Variants in MRPS28 observed in about 807,000 individuals in gnomAD.
MRPS28 encodes mitochondrial ribosomal protein S28, also known as small ribosomal subunit protein bS1m.
A neutral mutation model predicts 10.8 loss-of-function variants in MRPS28; 7 were observed. That is an observed-to-expected ratio of 0.65 (90% CI 0.37 to 1.22). MRPS28 has a LOEUF of 1.22. Ranked by LOEUF, MRPS28 falls within the 50% of genes most tolerant of loss-of-function variation. The pLI, the probability that MRPS28 is intolerant of heterozygous loss-of-function variation, is 0.02. For synonymous variants in MRPS28, 121 were observed against 93.3 expected (o/e 1.30, Z -1.71); for missense variants, 265 against 232.9 (o/e 1.14, Z -0.90).
intron 2 of MRPS28, among the ~76,000 whole-genome samples, chr8:79,965,865 T>C (rs1020418012): frequency 7.9e-5 from 12 of 152,048 alleles, no homozygotes; most frequent in African/African-American, 2.9e-4. Flanking sequence ...TAAATATCAA[T>C]ACCAAGCAAG....
At chr8:79,932,895 A>G (rs567692345) in intron 2 of MRPS28, among the ~76,000 whole-genome samples, 1 of 152,294 alleles carries the variant, frequency 6.6e-6, no homozygotes, top group African/African-American at 2.4e-5. Flanking sequence ...TTGGTTTAAC[A>G]AACAGTTCAT....
chr8:79,999,995 T>C (rs934872280), intron 2 of MRPS28, among the ~76,000 whole-genome samples: 2 of 152,216 alleles, frequency 1.3e-5, no homozygotes, highest in Admixed American at 6.5e-5. Context: ...TTTTTACTTA[T>C]GTAATTACCA....
chr8:79,969,940 CT>C (rs1807587978), intron 2 of MRPS28, among the ~76,000 whole-genome samples: 1 of 152,128 alleles, frequency 6.6e-6, no homozygotes, highest in African/African-American at 2.4e-5. Flanking sequence ...CACATTTCTC[CT>C]TGGACGCATT....
At chr8:79,937,982 A>AT (rs1806646233) in intron 2 of MRPS28, among the ~76,000 whole-genome samples, 1 of 152,142 alleles carries the variant, frequency 6.6e-6, no homozygotes, top group Admixed American at 6.5e-5. Context: ...TTAAAGAAGT[A>AT]TTTTCCTAGA....
At chr8:79,966,128 A>G (rs1319247111) in intron 2 of MRPS28, among the ~76,000 whole-genome samples, 2 of 152,080 alleles carry the variant, frequency 1.3e-5, no homozygotes, top group East Asian at 3.8e-4. Flanking sequence ...TAATTCTATT[A>G]TTGAGTCAGC....
intron 2 of MRPS28, among the ~76,000 whole-genome samples, chr8:79,944,369 T>C (rs912835151): frequency 6.6e-6 from 1 of 152,182 alleles, no homozygotes; most frequent in Non-Finnish European, 1.5e-5. Flanking sequence ...TCAGAGCCTC[T>C]CTTAGGACTA....
chr8:80,007,201 G>C (rs974965052), intron 1 of MRPS28, among the ~76,000 whole-genome samples: 12 of 152,190 alleles, frequency 7.9e-5, no homozygotes, highest in Non-Finnish European at 1.2e-4. Flanking sequence ...TGCAGAAAAG[G>C]CCTTTGACAA....
At chr8:79,987,820 C>T (rs1027583881) in intron 2 of MRPS28, among the ~76,000 whole-genome samples, 12 of 152,198 alleles carry the variant, frequency 7.9e-5, no homozygotes, top group East Asian at 3.8e-4. Flanking sequence ...CACTTTTACA[C>T]GGTTGGTGGG....
intron 2 of MRPS28, among the ~76,000 whole-genome samples, chr8:79,937,378 C>A (rs918454938): frequency 9.9e-5 from 15 of 151,996 alleles, no homozygotes; most frequent in East Asian, 1.9e-4. Flanking sequence ...GTGGTCAGTA[C>A]AATAATTTGA....
intron 2 of MRPS28, among the ~76,000 whole-genome samples, chr8:79,966,264 G>C (rs1452737479): frequency 6.6e-6 from 1 of 151,924 alleles, no homozygotes; most frequent in African/African-American, 2.4e-5. Context: ...GATATATAAA[G>C]GGTCAATATA....
chr8:79,977,228 TC>T (rs1807826029), intron 2 of MRPS28, among the ~76,000 whole-genome samples: 1 of 152,200 alleles, frequency 6.6e-6, no homozygotes, highest in Non-Finnish European at 1.5e-5. Flanking sequence ...GTGGTGGAGC[TC>T]ATTAAATACT....
chr8:79,967,853 C>G (rs993759694), intron 2 of MRPS28, among the ~76,000 whole-genome samples: 1 of 152,012 alleles, frequency 6.6e-6, no homozygotes, highest in African/African-American at 2.4e-5. Flanking sequence ...AAGTATACAA[C>G]TGATACATGC....
Position 79,982,005 on chromosome 8 carries a change from G to C in MRPS28, c.395+20994C>G, listed in dbSNP as rs182942086. On this transcript the variant is annotated intron_variant, in intron 2 of 2. Transcript: ENST00000276585. ...TCATGCCTGTAATCCCAGCACTTTG[G>C]GGGGGCCAAGGCAGGTGGATCACTT... Among the ~76,000 whole-genome samples the C allele has an allele frequency of 3.5e-4, 53 of 152,288 alleles. 1 individual carries two copies. Among genetic ancestry groups the C allele is most frequent in the East Asian group, 1.9e-3 (10 of 5,178 alleles).
At chr8:79,982,889 G>T (rs1384291453) in intron 2 of MRPS28, among the ~76,000 whole-genome samples, 1 of 151,008 alleles carries the variant, frequency 6.6e-6, no homozygotes, top group Non-Finnish European at 1.5e-5. Context: ...AAATGTCCCT[G>T]TCTGACAGCT....
intron 1 of MRPS28, among the ~76,000 whole-genome samples, chr8:80,026,808 C>T (rs1809503555): frequency 6.6e-6 from 1 of 152,052 alleles, no homozygotes; most frequent in African/African-American, 2.4e-5. Context: ...GGCTTTTTGC[C>T]ATGAAAAACT....
At chr8:79,982,646 G>A (rs745580708) in intron 2 of MRPS28, among the ~76,000 whole-genome samples, 5 of 152,268 alleles carry the variant, frequency 3.3e-5, no homozygotes, top group East Asian at 1.9e-4. Flanking sequence ...CTATACCCAC[G>A]GAGTCTCGCT....
chr8:79,998,616 C>T (rs1012257743), intron 2 of MRPS28, among the ~76,000 whole-genome samples: 4 of 152,104 alleles, frequency 2.6e-5, no homozygotes, highest in Non-Finnish European at 5.9e-5. Context: ...CAAAATTGTC[C>T]CAGAGCTATA....
chr8:79,929,435 C>A (rs73691109), intron 2 of MRPS28, among the ~76,000 whole-genome samples: 1 of 152,022 alleles, frequency 6.6e-6, no homozygotes, highest in South Asian at 2.1e-4. Flanking sequence ...CGGAACCTAT[C>A]AAGAAGAGGA....
chr8:79,995,575 T>C (rs1808478429), intron 2 of MRPS28, among the ~76,000 whole-genome samples: 1 of 152,188 alleles, frequency 6.6e-6, no homozygotes, highest in Non-Finnish European at 1.5e-5. Flanking sequence ...TGTTCTGATA[T>C]GTGACAATCC....
Sources: gnomAD v4.1 joint callset for allele counts (sites outside exome capture counted in the v4.1 genomes callset) on GRCh38, gnomAD v4.1.1 for gene constraint, MANE v1.5 for transcripts, NCBI Gene and HGNC (gene_info 2026-07-23, HGNC 2026-07-21) for gene names.